The following HERC6 variants were observed in gnomAD, a reference collection of about 807,000 sequenced individuals.
HERC6 encodes the protein HECT and RLD domain containing E3 ubiquitin protein ligase family member 6.
HERC6 carries 101 observed loss-of-function variants against 114.5 expected under a neutral mutation model. That is an observed-to-expected ratio of 0.88 (90% CI 0.75 to 1.04). The LOEUF is 1.04. HERC6 is among the 50% of genes least tolerant of loss of function. The pLI, the probability that HERC6 is intolerant of heterozygous loss-of-function variation, is 0.00. For missense variants in HERC6, 1,133 were observed against 1,230.9 expected, an observed-to-expected ratio of 0.92 and a Z score of 1.19; for synonymous variants, 408 against 436.2, an observed-to-expected ratio of 0.94 and a Z score of 0.81.
intron 1 of HERC6, among the ~76,000 whole-genome samples, chr4:88,381,554 C>CTT (rs142058374): frequency 1.3e-3 from 121 of 95,758 alleles, no homozygotes; most frequent in Non-Finnish European, 1.7e-3. Context: ...CCCTTCTCTT[C>CTT]TTTTTTTTTT....
chr4:88,388,807 A>T (rs977348768), intron 3 of HERC6, among the ~76,000 whole-genome samples: 5 of 152,138 alleles, frequency 3.3e-5, no homozygotes, highest in Non-Finnish European at 7.4e-5. Context: ...CCTAGATCAG[A>T]CACGGGAGGG....
intron 22 of HERC6, 36 bp downstream of exon 22, chr4:88,440,286 G>A (rs1157510969): frequency 2.0e-5 from 23 of 1,151,256 alleles, no homozygotes; most frequent in Non-Finnish European, 2.3e-5. Flanking sequence ...ACATAATTAT[G>A]TATCTTTTAA....
At chr4:88,405,524 G>T in intron 9 of HERC6, 30 bp from the exon 10 acceptor site, 1 of 1,331,828 alleles carries the variant, frequency 7.5e-7, no homozygotes, top group Non-Finnish European at 1.0e-6. Context: ...ATTATATGTT[G>T]TGACTTACCC....
intron 8 of HERC6, among the ~76,000 whole-genome samples, chr4:88,403,277 C>G (rs1735640944): frequency 6.6e-6 from 1 of 152,128 alleles, no homozygotes; most frequent in Admixed American, 6.5e-5. Context: ...TGGGGTGGAG[C>G]CCAGCAATCT....
intron 5 of HERC6, among the ~76,000 whole-genome samples, chr4:88,394,840 C>T (rs899906741): frequency 2.6e-5 from 4 of 152,236 alleles, no homozygotes; most frequent in Admixed American, 1.3e-4. Flanking sequence ...CCACTGCGCC[C>T]GGCCCCTTTA....
chr4:88,388,977 C>T (rs1167630078), intron 3 of HERC6, among the ~76,000 whole-genome samples: 2 of 152,112 alleles, frequency 1.3e-5, no homozygotes, highest in Non-Finnish European at 2.9e-5. Flanking sequence ...GGTTTGGTAC[C>T]CCTTCAAGAG....
chr4:88,411,711 T>C (rs559127088), intron 11 of HERC6, among the ~76,000 whole-genome samples: 1 of 152,196 alleles, frequency 6.6e-6, no homozygotes, highest in South Asian at 2.1e-4. Flanking sequence ...CCAACAAGGG[T>C]TGGAGGTCAG....
intron 1 of HERC6, among the ~76,000 whole-genome samples, chr4:88,382,913 G>T (rs564109672): frequency 6.6e-6 from 1 of 152,290 alleles, no homozygotes; most frequent in Admixed American, 6.5e-5. Flanking sequence ...CCTAGGCTAT[G>T]ATCAATCACT....
intron 10 of HERC6, among the ~76,000 whole-genome samples, chr4:88,406,876 C>T (rs1735837866): frequency 6.6e-6 from 1 of 151,888 alleles, no homozygotes; most frequent in Admixed American, 6.6e-5. Context: ...CCTGCCTCAG[C>T]CTCCTGAATA....
At chr4:88,416,238 A>C (rs1231156675) in intron 12 of HERC6, among the ~76,000 whole-genome samples, 1 of 152,208 alleles carries the variant, frequency 6.6e-6, no homozygotes, top group African/African-American at 2.4e-5. Context: ...ACCCTAGTCA[A>C]TTGACCTCGT....
At chr4:88,404,833 G>A (rs770640296) in intron 8 of HERC6, 43 bp from the exon 9 acceptor site, 12 of 1,602,956 alleles carry the variant, frequency 7.5e-6, no homozygotes, top group South Asian at 2.2e-5. Flanking sequence ...ACTACTGAAC[G>A]TGTGTGTGTT....
At chr4:88,441,316 T>C (rs992812141) in intron 22 of HERC6, among the ~76,000 whole-genome samples, 1 of 152,260 alleles carries the variant, frequency 6.6e-6, no homozygotes, top group Admixed American at 6.5e-5. Flanking sequence ...CCATGCACTA[T>C]GCTGACTGCT....
At chr4:88,405,734 A>T in intron 10 of HERC6, 121 bp downstream of exon 10, 1 of 461,278 alleles carries the variant, frequency 2.2e-6, no homozygotes, top group Non-Finnish European at 3.8e-6. Flanking sequence ...AACACAGAGA[A>T]CTCTGTAGGT....
chr4:88,401,263 G>C (rs1370986709), intron 8 of HERC6, among the ~76,000 whole-genome samples: 1 of 152,088 alleles, frequency 6.6e-6, no homozygotes, highest in South Asian at 2.1e-4. Flanking sequence ...GGGAGGCCGA[G>C]GCGGGTGGAT....
chr4:88,427,477 GACCCACC>G (rs1737748668), intron 15 of HERC6, among the ~76,000 whole-genome samples: 2 of 152,108 alleles, frequency 1.3e-5, no homozygotes, highest in South Asian at 4.1e-4. Context: ...AGGAGGTGAT[GACCCACC>G]ACCAGAAAGG....
chr4:88,411,681 G>A (rs1398157157), intron 11 of HERC6, among the ~76,000 whole-genome samples: 1 of 152,170 alleles, frequency 6.6e-6, no homozygotes, highest in Non-Finnish European at 1.5e-5. Context: ...GCTTAACACA[G>A]TATTTTCCAA....
chr4:88,398,178 G>T lies in HERC6; in HGVS notation c.1061G>T (p.Gly354Val). The change falls in exon 8 of 23, where the codon GGA (glycine) becomes GTA (valine). Residue 354 changes from glycine (G) to valine (V), a missense_variant. Gly to Val is a moderately radical substitution (Grantham distance 109, BLOSUM62 -3). Around this residue, in one of 3 missense-constraint regions of HERC6, gnomAD observed 735 missense variants for 754.0 expected, o/e 0.97. Coordinates refer to ENST00000264346, the MANE Select transcript of HERC6 (RefSeq NM_017912.4). ...GTTCAAGTCAAACACATTTTTGCTGGAACATATGCCAACTTTGTGACAACT... is the reference window on the plus strand; with the variant it reads ...GTTCAAGTCAAACACATTTTTGCTGTAACATATGCCAACTTTGTGACAACT... ...VDVQVKHIFA[G>V]TYANFVTTHQ... 1 of 1,596,256 alleles carries T rather than the reference G, an allele frequency of 6.3e-7. No individual in the cohort carries two copies.
intron 8 of HERC6, among the ~76,000 whole-genome samples, chr4:88,403,034 C>A (rs1735625659): frequency 6.6e-6 from 1 of 152,184 alleles, no homozygotes; most frequent in Admixed American, 6.5e-5. Flanking sequence ...GCAGTGGAGG[C>A]ATAGGTATAA....
intron 22 of HERC6, 124 bp downstream of exon 22, chr4:88,440,374 A>C: frequency 1.6e-6 from 1 of 635,756 alleles, no homozygotes; most frequent in Non-Finnish European, 2.8e-6. Context: ...TCTTTGTCTC[A>C]CAGCCATGGA....
Sources: allele counts gnomAD v4.1 joint callset (sites outside exome capture counted in the v4.1 genomes callset), GRCh38; gene constraint gnomAD v4.1.1; regional missense constraint gnomAD v4.1.1; transcripts MANE v1.5; gene names NCBI Gene and HGNC (gene_info 2026-07-23, HGNC 2026-07-21).